The following NCAPG2 variants were observed in gnomAD, a reference collection of about 807,000 sequenced individuals.
The protein encoded by NCAPG2 is non-SMC condensin II complex subunit G2.
NCAPG2 carries 53 observed loss-of-function variants against 141.1 expected under a neutral mutation model. That is an observed-to-expected ratio of 0.38 (90% CI 0.30 to 0.47). The LOEUF is 0.47. Ranked by LOEUF, NCAPG2 falls within the 20% of genes least tolerant of loss-of-function variation. The pLI is 0.99. For missense variants in NCAPG2, 1,087 were observed against 1,389.0 expected, an observed-to-expected ratio of 0.78 and a Z score of 3.46; for synonymous variants, 499 against 490.7, an observed-to-expected ratio of 1.02 and a Z score of -0.22.
chr7:158,649,217 A>G (rs767943345), intron 24 of NCAPG2, among the ~76,000 whole-genome samples: 1 of 152,254 alleles, frequency 6.6e-6, no homozygotes, highest in Admixed American at 6.5e-5. Context: ...TGAAAAGAAA[A>G]TTGACAGAAC....
chr7:158,672,270 C>T (rs1400383476), intron 12 of NCAPG2, among the ~76,000 whole-genome samples: 7 of 117,070 alleles, frequency 6.0e-5, no homozygotes, highest in African/African-American at 2.4e-4. Flanking sequence ...ATACGGTATT[C>T]CAAACACATG....
chr7:158,667,070 C>A, intron 13 of NCAPG2: 1 of 942,922 alleles, frequency 1.1e-6, no homozygotes, highest in Non-Finnish European at 1.3e-6. Flanking sequence ...CAGACTGCCT[C>A]TTATACTCAT....
At position 158,689,817 on chromosome 7, in the gene NCAPG2, A is replaced by G. The variant is rs1450831559; in HGVS notation, c.672+2T>C. 1 of 1,571,438 alleles carries G rather than the reference A, an allele frequency of 6.4e-7. No homozygotes were observed. Among genetic ancestry groups the G allele is most frequent in the African/African-American group, 1.4e-5 (1 of 73,028 alleles). On this transcript the variant is annotated splice_donor_variant, in intron 6 of 27. Coordinates refer to ENST00000356309, the MANE Select transcript of NCAPG2 (RefSeq NM_017760.7). LOFTEE classifies it high-confidence loss of function. ...CAGATCAAAAAACAAATACCTATTT[A>G]CCTCTTCTTTCTTGATATAATTAAT...
intron 2 of NCAPG2, among the ~76,000 whole-genome samples, chr7:158,699,226 T>G (rs1283540429): frequency 2.0e-5 from 3 of 152,152 alleles, no homozygotes; most frequent in African/African-American, 7.2e-5. Context: ...AGAAGGCACT[T>G]AGGACATGTT....
At chr7:158,637,611 T>G (rs1439684360) in intron 27 of NCAPG2, among the ~76,000 whole-genome samples, 1 of 2,502 alleles carries the variant, frequency 4.0e-4, no homozygotes, top group East Asian at 0.023. Context: ...CTGCGATGGC[T>G]CCACATCCCC....
chr7:158,652,627 G>A, intron 22 of NCAPG2, 147 bp from the exon 23 acceptor site: 1 of 657,150 alleles, frequency 1.5e-6, no homozygotes, highest in East Asian at 2.8e-5. Context: ...CCAAAAGCCA[G>A]GTTGATCAGG....
intron 27 of NCAPG2, among the ~76,000 whole-genome samples, chr7:158,634,186 C>T (rs1563483232): frequency 2.1e-5 from 2 of 97,472 alleles, no homozygotes; most frequent in Non-Finnish European, 4.6e-5. Flanking sequence ...CCCCCAGATA[C>T]TAAAATCCAC....
At chr7:158,686,871 T>C (rs963176) in intron 7 of NCAPG2, among the ~76,000 whole-genome samples, 137,797 of 152,192 alleles carry the variant, frequency 0.91, 62,446 homozygotes, top group East Asian at 0.96. Context: ...AAGTACTCAG[T>C]GCTGGAGCAA....
intron 27 of NCAPG2, among the ~76,000 whole-genome samples, chr7:158,638,807 C>T (rs1033603454): frequency 2.0e-5 from 3 of 152,132 alleles, no homozygotes; most frequent in South Asian, 2.1e-4. Flanking sequence ...AATTAACGAA[C>T]GTGAACTGAT....
At chr7:158,658,227 C>T in intron 17 of NCAPG2, 111 bp downstream of exon 17, 1 of 926,988 alleles carries the variant, frequency 1.1e-6, no homozygotes, top group Non-Finnish European at 1.5e-6. Context: ...AGGAAGAGGC[C>T]ACAGTGAGCT....
At chr7:158,648,426 G>GATAGAACTGATAGA (rs1158318305) in intron 24 of NCAPG2, among the ~76,000 whole-genome samples, 2 of 151,210 alleles carry the variant, frequency 1.3e-5, no homozygotes, top group Non-Finnish European at 2.9e-5. Context: ...AGAACAGACA[G>GATAGAACTGATAGA]ACTGATAGAA....
At chr7:158,642,237 G>C (rs1830697879) in intron 27 of NCAPG2, among the ~76,000 whole-genome samples, 1 of 152,148 alleles carries the variant, frequency 6.6e-6, no homozygotes, top group Non-Finnish European at 1.5e-5. Context: ...GCATAAAAGG[G>C]AAGCAAGAAT....
intron 23 of NCAPG2, 34 bp downstream of exon 23, chr7:158,652,259 T>G (rs1270755742): frequency 6.3e-7 from 1 of 1,594,184 alleles, no homozygotes; most frequent in Non-Finnish European, 8.5e-7. Flanking sequence ...GAAAAGCCCA[T>G]CTAGCGAACC....
At chr7:158,658,504 G>A (rs1227847743) in intron 16 of NCAPG2, 96 bp from the exon 17 acceptor site, 25 of 1,132,384 alleles carry the variant, frequency 2.2e-5, no homozygotes, top group Non-Finnish European at 3.0e-5. Context: ...TACTACCAAA[G>A]TTGCTCAAGA....
chr7:158,640,052 C>CAAAAAAAA (rs58368997), intron 27 of NCAPG2: 4 of 98,324 alleles, frequency 4.1e-5, no homozygotes, highest in African/African-American at 1.2e-4. Context: ...GAATAAATGC[C>CAAAAAAAA]AAAAAAAAAA....
intron 27 of NCAPG2, chr7:158,639,913 G>C: frequency 4.5e-6 from 4 of 885,118 alleles, no homozygotes; most frequent in Non-Finnish European, 4.1e-6. Context: ...AAATATCCAA[G>C]ACCTGTGAGA....
In NCAPG2 at chr7:158,694,362, G is replaced by A. The variant is rs551440086; in HGVS notation, c.79-865C>T. On this transcript the variant is annotated intron_variant, in intron 2 of 27. Coordinates refer to ENST00000356309, the MANE Select transcript of NCAPG2 (RefSeq NM_017760.7). ...TTTTATAGCCATCACAATAATTATG[G>A]ACTCTGGCAGGAATTATCGGGAGAT... 3.9e-5 allele frequency among the ~76,000 whole-genome samples: 6 copies of A among 152,180 alleles called. No individual in the cohort carries two copies. The East Asian group carries it at 5.8e-4, about 15-fold the overall frequency.
chr7:158,667,271 C>T (rs1833049192), intron 13 of NCAPG2: 2 of 971,680 alleles, frequency 2.1e-6, no homozygotes, highest in Non-Finnish European at 1.2e-6. Flanking sequence ...TGTGTCCCTC[C>T]GCCTCCCTCA....
At chr7:158,701,777 T>A (rs759219120) in intron 2 of NCAPG2, 45 bp downstream of exon 2, 6 of 1,499,438 alleles carry the variant, frequency 4.0e-6, no homozygotes, top group Non-Finnish European at 5.6e-6. Context: ...ACATATTTCA[T>A]ATTCACAGTC....
Sources: allele counts gnomAD v4.1 joint callset (sites outside exome capture counted in the v4.1 genomes callset), GRCh38; gene constraint gnomAD v4.1.1; transcripts MANE v1.5; gene names NCBI Gene and HGNC (gene_info 2026-07-23, HGNC 2026-07-21).